The following GRIK3 variants were observed in gnomAD, a reference collection of about 807,000 sequenced individuals.
GRIK3 encodes the protein glutamate ionotropic receptor kainate type subunit 3.
A neutral mutation model predicts 102.5 loss-of-function variants in GRIK3; 29 were observed. That is an observed-to-expected ratio of 0.28 (90% CI 0.21 to 0.39). The LOEUF is 0.39. Among genes scored for constraint, GRIK3 ranks in the 10% least tolerant of loss-of-function variants. The pLI, the probability that GRIK3 is intolerant of heterozygous loss-of-function variation, is 1.00. For synonymous variants in GRIK3, 511 were observed against 504.9 expected (o/e 1.01, Z -0.16); for missense variants, 908 against 1,252.4 (o/e 0.73, Z 4.15).
At chr1:36,835,981 A>G (rs1006983256) in intron 10 of GRIK3, among the ~76,000 whole-genome samples, 1 of 152,090 alleles carries the variant, frequency 6.6e-6, no homozygotes, top group Middle Eastern at 3.2e-3. Flanking sequence ...AGGGCTCCAC[A>G]GTCATTGCTC....
chr1:36,984,708 C>A (rs1483775693), intron 1 of GRIK3, among the ~76,000 whole-genome samples: 1 of 152,224 alleles, frequency 6.6e-6, no homozygotes, highest in Non-Finnish European at 1.5e-5. Context: ...CTGTCCCAAT[C>A]CCCTTTTTCA....
At chr1:36,896,740 T>C (rs959886651) in intron 1 of GRIK3, among the ~76,000 whole-genome samples, 1 of 152,090 alleles carries the variant, frequency 6.6e-6, no homozygotes, top group East Asian at 1.9e-4. Flanking sequence ...AAAAACAAGA[T>C]CCAACTATAT....
intron 5 of GRIK3, among the ~76,000 whole-genome samples, chr1:36,861,940 G>A (rs527698917): frequency 6.6e-6 from 1 of 152,142 alleles, no homozygotes; most frequent in Non-Finnish European, 1.5e-5. Flanking sequence ...TCAGTAGGGA[G>A]TGGGGGGTGG....
At position 36,801,948 on chromosome 1, in the gene GRIK3, G is replaced by A. The variant is rs775497329; in HGVS notation, c.2663C>T (p.Thr888Ile). Residue 888 changes from threonine (T) to isoleucine (I), a missense_variant, in exon 16 of 16, where the codon ACT (threonine) becomes ATT (isoleucine). Coordinates refer to ENST00000373091, the MANE Select transcript of GRIK3 (RefSeq NM_000831.4). ...HKPQPPMMVK[T>I]DAVINMHTFN... ...TGTGTGCATGTTGATGACGGCGTCA[G>A]TCTTGACCATCATGGGAGGCTGAGG... 6.2e-7 allele frequency: 1 copy of A among 1,614,160 alleles called. No homozygotes were observed. The highest frequency in any genetic ancestry group is 8.5e-7 in the Non-Finnish European group (1 of 1,180,012).
chr1:36,984,167 C>T (rs1460200768), intron 1 of GRIK3, among the ~76,000 whole-genome samples: 1 of 152,248 alleles, frequency 6.6e-6, no homozygotes, highest in Non-Finnish European at 1.5e-5. Context: ...ATGGGCCACA[C>T]ACATGCTTAT....
intron 3 of GRIK3, among the ~76,000 whole-genome samples, chr1:36,877,360 C>A (rs534876999): frequency 6.6e-5 from 10 of 152,290 alleles, no homozygotes; most frequent in South Asian, 2.1e-4. Context: ...CCAAGCACCC[C>A]TTGAATTCTG....
chr1:37,014,973 C>T (rs1048764157), intron 1 of GRIK3, among the ~76,000 whole-genome samples: 12 of 151,488 alleles, frequency 7.9e-5, no homozygotes, highest in Admixed American at 6.6e-4. Flanking sequence ...GTATCTCTGT[C>T]TCAATCACTG....
At chr1:36,945,305 A>T (rs3767081) in intron 1 of GRIK3, among the ~76,000 whole-genome samples, 1 of 152,148 alleles carries the variant, frequency 6.6e-6, no homozygotes, top group Non-Finnish European at 1.5e-5. Context: ...TAGAAGAAGC[A>T]GTGGAGTGGA....
At chr1:36,943,429 CT>C (rs1191025108) in intron 1 of GRIK3, among the ~76,000 whole-genome samples, 4 of 152,142 alleles carry the variant, frequency 2.6e-5, no homozygotes, top group African/African-American at 9.7e-5. Context: ...GTAAAGTAGC[CT>C]TCCTCTGACT....
intron 10 of GRIK3, among the ~76,000 whole-genome samples, chr1:36,834,726 A>G (rs1259597417): frequency 6.6e-6 from 1 of 152,168 alleles, no homozygotes; most frequent in African/African-American, 2.4e-5. Context: ...CTCTATCGCC[A>G]TCTCCAAAAG....
intron 1 of GRIK3, among the ~76,000 whole-genome samples, chr1:36,956,574 T>A (rs1409089871): frequency 2.6e-5 from 4 of 152,016 alleles, no homozygotes; most frequent in African/African-American, 9.7e-5. Flanking sequence ...GACCATCACA[T>A]GCCATGGCCA....
In GRIK3 at chr1:36,850,691, G is replaced by A. The variant is rs1174878767; in HGVS notation, c.1213-267C>T. Among the ~76,000 whole-genome samples the A allele has an allele frequency of 1.3e-5, 2 of 152,212 alleles. No homozygotes were observed. Among genetic ancestry groups the A allele is most frequent in the Non-Finnish European group, 2.9e-5 (2 of 68,040 alleles). On this transcript the variant is annotated intron_variant, in intron 8 of 15. Transcript: ENST00000373091. This position sits in a 1 kb window ranked among gnomAD's most constrained non-coding sequence, Gnocchi z 4.0. ...GCTGGCAAGCCCATCACAGCTGAAG[G>A]GGAAAATGCAGAGAGAGACAGCAAA...
chr1:36,980,619 T>A (rs1431178095), intron 1 of GRIK3, among the ~76,000 whole-genome samples: 1 of 151,932 alleles, frequency 6.6e-6, no homozygotes, highest in Non-Finnish European at 1.5e-5. Context: ...CCTGGGATGC[T>A]GCAGGCCTGG....
chr1:36,886,512 C>T (rs904388951), intron 2 of GRIK3, among the ~76,000 whole-genome samples: 1 of 152,116 alleles, frequency 6.6e-6, no homozygotes, highest in Non-Finnish European at 1.5e-5. Context: ...AGAGGGTACC[C>T]AAAGGGGAGT....
intron 2 of GRIK3, among the ~76,000 whole-genome samples, chr1:36,881,585 G>A (rs861059): frequency 0.02 from 3,114 of 151,992 alleles, 104 homozygotes; most frequent in East Asian, 0.11. Flanking sequence ...ACCACTTCCC[G>A]CCACTCCCAG....
Position 36,850,394 on chromosome 1 carries a change from T to G in GRIK3, c.1243A>C (p.Asn415His). 1 of 1,613,528 alleles carries G rather than the reference T, an allele frequency of 6.2e-7. No homozygotes were observed. The highest frequency in any genetic ancestry group is 8.5e-7 in the Non-Finnish European group (1 of 1,179,488). ...CGGCCTTTGGCAACCTCAGTGATGT[T>G]GAGCCCGTCGGCAGGACTCCACACC... The part of the protein sequence containing the change: ...VGVWSPADGL[N>H]ITEVAKGRGP... Residue 415 changes from asparagine to histidine, a missense_variant, in exon 9 of 16, where the codon AAC (asparagine) becomes CAC (histidine). By Grantham distance (68) the Asn-to-His change is moderately conservative. Coordinates refer to ENST00000373091, the MANE Select transcript of GRIK3 (RefSeq NM_000831.4). This position sits in a 1 kb window ranked among gnomAD's most constrained non-coding sequence, Gnocchi z 4.0.
At chr1:36,986,416 G>GTCATCCA (rs1553125905) in intron 1 of GRIK3, among the ~76,000 whole-genome samples, 6 of 130,678 alleles carry the variant, frequency 4.6e-5, no homozygotes, top group Admixed American at 1.5e-4. Flanking sequence ...CCATCTCTCT[G>GTCATCCA]TCCATCCATC....
At chr1:37,014,933 G>C (rs200364035) in intron 1 of GRIK3, among the ~76,000 whole-genome samples, 8 of 139,812 alleles carry the variant, frequency 5.7e-5, no homozygotes, top group Admixed American at 5.1e-4. Context: ...CTCTGTTTTT[G>C]TCTCTCTCTC....
chr1:36,805,955 A>AAG, intron 14 of GRIK3, 149 bp downstream of exon 14: 1 of 547,380 alleles, frequency 1.8e-6, no homozygotes, highest in Non-Finnish European at 3.2e-6. Flanking sequence ...AAAAAAAAAA[A>AAG]AAAAAAGAAA....
Sources: gnomAD v4.1 joint callset for allele counts (sites outside exome capture counted in the v4.1 genomes callset) on GRCh38, gnomAD v4.1.1 for gene constraint, Gnocchi (gnomAD v3.1) non-coding constraint, MANE v1.5 for transcripts, NCBI Gene and HGNC (gene_info 2026-07-23, HGNC 2026-07-21) for gene names.